Variants in SYNE2 observed in about 807,000 individuals in gnomAD.
SYNE2 encodes spectrin repeat containing nuclear envelope protein 2, also known as nesprin-2.
SYNE2 carries 431 observed loss-of-function variants against 856.3 expected under a neutral mutation model. The ratio of observed to expected loss-of-function variants is 0.50; its 90% CI spans 0.47 to 0.55. The LOEUF (loss-of-function observed/expected upper bound fraction) is 0.55, where lower values mean the gene tolerates loss of function less well. Ranked by LOEUF, SYNE2 falls within the 20% of genes least tolerant of loss-of-function variation. SYNE2 has a pLI of 0.00. For missense variants in SYNE2, 8,129 were observed against 8,023.2 expected, an observed-to-expected ratio of 1.01 and a Z score of -0.50; for synonymous variants, 2,923 against 2,872.3, an observed-to-expected ratio of 1.02 and a Z score of -0.56.
chr14:63,865,712 CCA>C lies in SYNE2; in HGVS notation c.-52+12571_-52+12572del, dbSNP rs775649244. 9.0e-3 allele frequency among the ~76,000 whole-genome samples: 658 copies of C among 72,824 alleles called. 49 individuals are homozygous for C. Among genetic ancestry groups the C allele is most frequent in the Non-Finnish European group, 0.012 (415 of 35,654 alleles). 47.8% of individuals were successfully genotyped at this position (72,824 alleles called of 152,430 possible). On this transcript the variant is annotated intron_variant, in intron 1 of 115. Transcript: ENST00000555002. ...GGGCAACAAGAGCAAAACTCTGTAC[CCA>C]CCCCCCCCCCAAAAAAAAAGAAAAG...
At chr14:64,114,219 G>T (rs2097836655) in intron 66 of SYNE2, among the ~76,000 whole-genome samples, 4 of 152,172 alleles carry the variant, frequency 2.6e-5, no homozygotes. Flanking sequence ...AGTAAAGCTT[G>T]CCGGCTCAGC....
At chr14:64,207,665 T>C (rs1387513288) in intron 100 of SYNE2, among the ~76,000 whole-genome samples, 2 of 152,034 alleles carry the variant, frequency 1.3e-5, no homozygotes, top group African/African-American at 2.4e-5. Flanking sequence ...TTTCTGTAGA[T>C]GGTGACAGCT....
At chr14:63,978,147 A>G in intron 13 of SYNE2, 130 bp downstream of exon 13, 1 of 721,492 alleles carries the variant, frequency 1.4e-6, no homozygotes, top group Admixed American at 2.1e-5. Flanking sequence ...TCTTGATAAC[A>G]GTATCTTCAC....
intron 1 of SYNE2, among the ~76,000 whole-genome samples, chr14:63,805,038 A>G (rs955649780): frequency 6.6e-6 from 1 of 152,194 alleles, no homozygotes; most frequent in Non-Finnish European, 1.5e-5. Flanking sequence ...TTTGTCAAAG[A>G]TCAAATGATT....
chr14:64,204,000 C>T (rs543100567), intron 100 of SYNE2, among the ~76,000 whole-genome samples: 26 of 152,280 alleles, frequency 1.7e-4, no homozygotes, highest in South Asian at 2.1e-4. Flanking sequence ...TGCAGGCAGG[C>T]GCCACCATGC....
At position 64,226,230 on chromosome 14, in the gene SYNE2, G is replaced by GTAAA. The variant is rs2098717732; in HGVS notation, c.*706_*709dup. 1 of 150,938 alleles carries GTAAA rather than the reference G, an allele frequency of 6.6e-6. No homozygotes were observed. Among genetic ancestry groups the GTAAA allele is most frequent in the African/African-American group, 2.5e-5 (1 of 40,668 alleles). The allele number at this position is 150,938 out of a possible 1,614,324, so 9.3% of individuals were successfully genotyped here. A position where few individuals can be genotyped will look rare whatever the true frequency, so the allele number is the denominator to read the frequency against. ...AGCTGGAGCTTTTGACTAATGTAAA[G>GTAAA]TAAATGCCAAACTACCGACTTGATA... On this transcript the variant is annotated 3_prime_UTR_variant, in exon 116 of 116. Coordinates refer to ENST00000555002, the MANE Select transcript of SYNE2 (RefSeq NM_182914.3).
chr14:64,170,194 T>C, intron 93 of SYNE2, 34 bp from the exon 94 acceptor site: 1 of 1,597,000 alleles, frequency 6.3e-7, no homozygotes, highest in Non-Finnish European at 8.6e-7. Flanking sequence ...TACATGTCGA[T>C]GTCTGGATTC....
At chr14:64,045,824 T>C (rs1040807246) in intron 45 of SYNE2, among the ~76,000 whole-genome samples, 13 of 152,252 alleles carry the variant, frequency 8.5e-5, no homozygotes, top group Admixed American at 7.2e-4. Context: ...ATTTGTTTTA[T>C]TTAAATGAAC....
chr14:63,834,245 C>T (rs137989669), intron 1 of SYNE2, among the ~76,000 whole-genome samples: 1 of 152,080 alleles, frequency 6.6e-6, no homozygotes, highest in African/African-American at 2.4e-5. Flanking sequence ...TACCTGTAAT[C>T]CTAGCTACTT....
intron 99 of SYNE2, among the ~76,000 whole-genome samples, chr14:64,195,451 AG>A (rs2098536838): frequency 6.6e-6 from 1 of 152,182 alleles, no homozygotes. Context: ...GGACTTTCCT[AG>A]TACCGTATGA....
At chr14:63,826,346 C>T (rs911330580) in intron 1 of SYNE2, among the ~76,000 whole-genome samples, 3 of 152,260 alleles carry the variant, frequency 2.0e-5, no homozygotes, top group African/African-American at 7.2e-5. Flanking sequence ...TGTTGCCAGT[C>T]AGGAGTTGAG....
At chr14:64,122,248 G>A in intron 69 of SYNE2, 38 bp from the exon 70 acceptor site, 1 of 1,614,140 alleles carries the variant, frequency 6.2e-7, no homozygotes, top group Non-Finnish European at 8.5e-7. Context: ...AATGTTTAGT[G>A]TTGATTATTC....
intron 98 of SYNE2, chr14:64,189,092 G>T (rs1050050037): frequency 1.5e-6 from 1 of 655,728 alleles, no homozygotes; most frequent in East Asian, 2.7e-5. Flanking sequence ...CTAGCACTTT[G>T]GGAGGCCAAG....
chr14:63,961,133 AT>A (rs1238977768), intron 8 of SYNE2, among the ~76,000 whole-genome samples: 1 of 152,234 alleles, frequency 6.6e-6, no homozygotes, highest in Non-Finnish European at 1.5e-5. Context: ...TCAGGAATGC[AT>A]TCTAATTGCT....
At chr14:63,947,432 A>T (rs1051416851) in intron 6 of SYNE2, among the ~76,000 whole-genome samples, 2 of 152,228 alleles carry the variant, frequency 1.3e-5, no homozygotes, top group Non-Finnish European at 2.9e-5. Context: ...TTTAAATTTT[A>T]TATTTAGATC....
At chr14:64,202,464 A>G (rs981102902) in intron 99 of SYNE2, among the ~76,000 whole-genome samples, 15 of 152,190 alleles carry the variant, frequency 9.9e-5, no homozygotes, top group African/African-American at 3.6e-4. Context: ...TTAGGAAAAA[A>G]TGGCATATCT....
chr14:63,978,504 C>T (rs1036884589), intron 13 of SYNE2, among the ~76,000 whole-genome samples: 2 of 152,070 alleles, frequency 1.3e-5, no homozygotes, highest in Non-Finnish European at 2.9e-5. Flanking sequence ...ATAATGAAAA[C>T]TTTTAATATA....
intron 97 of SYNE2, 60 bp downstream of exon 97, chr14:64,186,639 C>A (rs773307194): frequency 1.1e-5 from 17 of 1,608,294 alleles, no homozygotes; most frequent in Non-Finnish European, 1.4e-5. Context: ...TCTCTGAAGG[C>A]CAGACAAAGT....
intron 1 of SYNE2, among the ~76,000 whole-genome samples, chr14:63,895,319 C>T (rs767309566): frequency 7.3e-5 from 11 of 151,500 alleles, no homozygotes; most frequent in Non-Finnish European, 1.5e-4. Context: ...CCATATTGGC[C>T]AGGCTGGTCT....
Sources: allele counts gnomAD v4.1 joint callset (sites outside exome capture counted in the v4.1 genomes callset), GRCh38; gene constraint gnomAD v4.1.1; transcripts MANE v1.5; gene names NCBI Gene and HGNC (gene_info 2026-07-23, HGNC 2026-07-21).